RFTN2: variants seen among roughly 807,000 people sequenced by gnomAD.
RFTN2 encodes raftlin family member 2, also known as raftlin-2.
A neutral mutation model predicts 52.7 loss-of-function variants in RFTN2; 34 were observed. That is an observed-to-expected ratio of 0.64 (90% CI 0.49 to 0.86). The LOEUF (loss-of-function observed/expected upper bound fraction) is 0.86, where lower values mean the gene tolerates loss of function less well. Among genes scored for constraint, RFTN2 ranks in the 40% least tolerant of loss-of-function variants. The pLI is 0.00. For synonymous variants in RFTN2, 203 were observed against 217.7 expected (o/e 0.93, Z 0.59); for missense variants, 536 against 600.1 (o/e 0.89, Z 1.12).
chr2:197,583,272 T>C (rs182067593), intron 8 of RFTN2, among the ~76,000 whole-genome samples: 4 of 152,162 alleles, frequency 2.6e-5, no homozygotes, highest in Non-Finnish European at 4.4e-5. Context: ...AAAATTGACT[T>C]TACTCACATA....
chr2:197,595,938 G>A (rs1406712375), intron 8 of RFTN2, 53 bp downstream of exon 8: 47 of 1,200,462 alleles, frequency 3.9e-5, no homozygotes, highest in Non-Finnish European at 5.3e-5. Flanking sequence ...GAGAGTTTAA[G>A]GATTAAATGC....
intron 3 of RFTN2, among the ~76,000 whole-genome samples, chr2:197,635,681 G>C (rs1386471067): frequency 6.9e-3 from 829 of 120,636 alleles, no homozygotes; most frequent in South Asian, 9.8e-3. Context: ...CTCCCATTTT[G>C]TAGGTTGCTT....
chr2:197,642,100 T>C (rs967608330), intron 3 of RFTN2, among the ~76,000 whole-genome samples: 1 of 152,202 alleles, frequency 6.6e-6, no homozygotes, highest in Non-Finnish European at 1.5e-5. Flanking sequence ...TAAAATTTAG[T>C]CTCAAAGACT....
intron 6 of RFTN2, 71 bp from the exon 7 acceptor site, chr2:197,616,050 T>C: frequency 2.3e-6 from 2 of 885,430 alleles, no homozygotes; most frequent in Non-Finnish European, 1.8e-6. Flanking sequence ...CAACAAAGGG[T>C]GATGCGTGTT....
intron 3 of RFTN2, among the ~76,000 whole-genome samples, chr2:197,640,754 C>G (rs761784807): frequency 1.3e-5 from 2 of 152,186 alleles, no homozygotes; most frequent in Non-Finnish European, 2.9e-5. Context: ...CATCTTGGCT[C>G]CTCCCCCAGG....
chr2:197,646,962 T>C (rs1417804306), intron 1 of RFTN2, among the ~76,000 whole-genome samples: 1 of 150,268 alleles, frequency 6.7e-6, no homozygotes, highest in African/African-American at 2.4e-5. Flanking sequence ...TTAACATGTA[T>C]TTATACATTT....
intron 8 of RFTN2, among the ~76,000 whole-genome samples, chr2:197,578,628 C>T (rs1422179511): frequency 6.6e-6 from 1 of 152,158 alleles, no homozygotes; most frequent in Non-Finnish European, 1.5e-5. Context: ...TTTTCCACTA[C>T]CTACCCAAAT....
At chr2:197,674,479 A>G (rs2089190381) in intron 1 of RFTN2, among the ~76,000 whole-genome samples, 1 of 151,980 alleles carries the variant, frequency 6.6e-6, no homozygotes, top group African/African-American at 2.4e-5. Context: ...AGAATTAAAA[A>G]TATAACTATA....
intron 5 of RFTN2, among the ~76,000 whole-genome samples, chr2:197,629,641 A>T (rs2106229839): frequency 6.6e-6 from 1 of 151,930 alleles, no homozygotes; most frequent in South Asian, 2.1e-4. Context: ...GCTTCCAATA[A>T]CCAAAAAATA....
intron 1 of RFTN2, among the ~76,000 whole-genome samples, chr2:197,647,702 G>C (rs1277786738): frequency 1.3e-5 from 2 of 152,012 alleles, no homozygotes; most frequent in Admixed American, 1.3e-4. Flanking sequence ...CTTGAGTAAA[G>C]GTGAATGAAA....
chr2:197,615,630 G>A (rs1025056890), intron 7 of RFTN2, among the ~76,000 whole-genome samples: 7 of 152,192 alleles, frequency 4.6e-5, no homozygotes, highest in African/African-American at 1.7e-4. Context: ...ACCCTACTGT[G>A]TCCTAAACCT....
At chr2:197,595,843 C>G (rs923533288) in intron 8 of RFTN2, 148 bp downstream of exon 8, 3 of 532,066 alleles carry the variant, frequency 5.6e-6, no homozygotes. Flanking sequence ...TTCATGTTGC[C>G]TGATTGCTAG....
At chr2:197,581,434 T>C (rs1386522717) in intron 8 of RFTN2, among the ~76,000 whole-genome samples, 1 of 152,196 alleles carries the variant, frequency 6.6e-6, no homozygotes, top group African/African-American at 2.4e-5. Flanking sequence ...CTGACACCCA[T>C]CAGTCCCAGC....
At chr2:197,588,378 C>G (rs1448494167) in intron 8 of RFTN2, among the ~76,000 whole-genome samples, 1 of 152,202 alleles carries the variant, frequency 6.6e-6, no homozygotes, top group African/African-American at 2.4e-5. Flanking sequence ...TAGAGACAGA[C>G]TTTATCTTAT....
chr2:197,578,813 G>A (rs545057447), intron 8 of RFTN2, among the ~76,000 whole-genome samples: 1 of 152,142 alleles, frequency 6.6e-6, no homozygotes, highest in Non-Finnish European at 1.5e-5. Flanking sequence ...ACCACCCTTG[G>A]CAGATCAATC....
At chr2:197,573,544 A>G (rs1408724088) in intron 8 of RFTN2, among the ~76,000 whole-genome samples, 1 of 152,252 alleles carries the variant, frequency 6.6e-6, no homozygotes, top group Non-Finnish European at 1.5e-5. Context: ...ATGGTTTGGA[A>G]TTGGAACTTA....
intron 8 of RFTN2, among the ~76,000 whole-genome samples, chr2:197,574,641 G>A (rs2087382470): frequency 1.3e-5 from 2 of 152,210 alleles, no homozygotes; most frequent in South Asian, 2.1e-4. Context: ...GCTGAGACAG[G>A]AGGAACACTT....
chr2:197,645,234 C>T (rs973356189), intron 2 of RFTN2, among the ~76,000 whole-genome samples: 1 of 152,166 alleles, frequency 6.6e-6, no homozygotes, highest in Non-Finnish European at 1.5e-5. Flanking sequence ...TTTAGCTACA[C>T]AAATACTTAT....
intron 1 of RFTN2, among the ~76,000 whole-genome samples, chr2:197,665,631 C>T (rs6757669): frequency 0.68 from 101,967 of 150,022 alleles, 34,997 homozygotes; most frequent in Middle Eastern, 0.85. Flanking sequence ...TCATTTTCTA[C>T]CCCTTTACTT....
Sources: gnomAD v4.1 joint callset for allele counts (sites outside exome capture counted in the v4.1 genomes callset) on GRCh38, gnomAD v4.1.1 for gene constraint, MANE v1.5 for transcripts, NCBI Gene and HGNC (gene_info 2026-07-23, HGNC 2026-07-21) for gene names.